Variants in DNAJB1 observed in about 807,000 individuals in gnomAD.
DNAJB1 encodes dnaJ homolog subfamily B member 1.
DNAJB1 carries 14 observed loss-of-function variants against 24.0 expected under a neutral mutation model. The observed-to-expected ratio is 0.58, with a 90% CI of 0.39 to 0.91. The LOEUF is 0.91. Ranked by LOEUF, DNAJB1 falls within the 40% of genes least tolerant of loss-of-function variation. The probability of loss-of-function intolerance (pLI) is 0.00; values close to 1 mark genes in which losing one functional copy is unlikely to be tolerated. For synonymous variants in DNAJB1, 262 were observed against 174.4 expected (o/e 1.50, Z -3.96); for missense variants, 517 against 458.1 (o/e 1.13, Z -1.17).
chr19:14,541,638 G>T (rs1297209568), intron 1 of DNAJB1, among the ~76,000 whole-genome samples: 1 of 152,172 alleles, frequency 6.6e-6, no homozygotes, highest in Non-Finnish European at 1.5e-5. Flanking sequence ...TGGGGCCAGG[G>T]AGGAGAATGG....
At chr19:14,541,716 C>A (rs942724808) in intron 1 of DNAJB1, among the ~76,000 whole-genome samples, 1 of 151,726 alleles carries the variant, frequency 6.6e-6, no homozygotes, top group African/African-American at 2.4e-5. Flanking sequence ...ATATGTCCCA[C>A]GTTGAGGGAT....
chr19:14,516,881 T>G lies in DNAJB1; in HGVS notation c.377A>C (p.Asp126Ala). 6.2e-7 allele frequency: 1 copy of G among 1,614,118 alleles called. No individual in the cohort carries two copies. The highest frequency in any genetic ancestry group is 8.5e-7 in the Non-Finnish European group (1 of 1,180,016). The part of the protein sequence containing the change: ...FGQRNGEEGM[D>A]IDDPFSGFPM... ...GAAGCCAGAGAATGGGTCATCAATG[T>G]CCATGCCTTCCTCCCCGTTCCGCTG... Residue 126 changes from aspartate to alanine, a missense_variant, in exon 2 of 3, where the codon GAC (aspartate) becomes GCC (alanine). Coordinates refer to ENST00000254322, the MANE Select transcript of DNAJB1 (RefSeq NM_006145.3).
chr19:14,532,045 G>C (rs1362700664), upstream of DNAJB1: 1 of 149,842 alleles, frequency 6.7e-6, no homozygotes, highest in African/African-American at 2.5e-5. Flanking sequence ...ACCATGTCCA[G>C]CTTGAAACAT....
Position 14,559,786 on chromosome 19 carries a change from C to CA in DNAJB1, c.-2166+244dup, listed in dbSNP as rs5827240. ...TGGGCGACAGAGTGAGACTCTGTCT[C>CA]AAAAAAAAAAAAAAATTATAGAGAC... On this transcript the variant is annotated intron_variant, in intron 1 of 5. Transcript: ENST00000679223. 3.7e-3 allele frequency among the ~76,000 whole-genome samples: 510 copies of CA among 138,984 alleles called. 9 individuals are homozygous for CA. Among genetic ancestry groups the CA allele is most frequent in the East Asian group, 0.017 (75 of 4,474 alleles). 91.2% of individuals were successfully genotyped at this position (138,984 alleles called of 152,430 possible). A position where few individuals can be genotyped will look rare whatever the true frequency, so the allele number is the denominator to read the frequency against.
intron 2 of DNAJB1, among the ~76,000 whole-genome samples, chr19:14,526,059 AGACAC>A (rs2072419471): frequency 6.6e-6 from 1 of 152,200 alleles, no homozygotes; most frequent in South Asian, 2.1e-4. Flanking sequence ...GGAGCTTGTG[AGACAC>A]GACATTACCA....
In DNAJB1 at chr19:14,515,762, C is replaced by A; in HGVS notation, c.*178G>T. ...ACCTGATGCCCTATAGCTCGAAAAACCACTGAAGTCTAGTGTGCGACTTTG... is the reference window on the plus strand; with the variant it reads ...ACCTGATGCCCTATAGCTCGAAAAAACACTGAAGTCTAGTGTGCGACTTTG... On this transcript the variant is annotated 3_prime_UTR_variant, in exon 3 of 3. Coordinates refer to ENST00000254322, the MANE Select transcript of DNAJB1 (RefSeq NM_006145.3). 1.6e-6 allele frequency: 1 copy of A among 617,686 alleles called. No individual in the cohort carries two copies. The highest frequency in any genetic ancestry group is 2.7e-6 in the Non-Finnish European group (1 of 366,610). The allele number at this position is 617,686 out of a possible 1,614,324, so 38.3% of individuals were successfully genotyped here. A position where few individuals can be genotyped will look rare whatever the true frequency, so the allele number is the denominator to read the frequency against.
At chr19:14,537,606 G>A (rs780656504) in intron 1 of DNAJB1, among the ~76,000 whole-genome samples, 2 of 152,168 alleles carry the variant, frequency 1.3e-5, no homozygotes, top group Non-Finnish European at 2.9e-5. Flanking sequence ...GTCAAGTTCA[G>A]GCTGGGTCTT....
intron 2 of DNAJB1, among the ~76,000 whole-genome samples, chr19:14,524,495 C>G (rs2072395966): frequency 6.6e-6 from 1 of 151,808 alleles, no homozygotes; most frequent in African/African-American, 2.4e-5. Context: ...TGCACACTAG[C>G]CTGAGAGACA....
chr19:14,556,115 T>A (rs2146614246), intron 1 of DNAJB1, among the ~76,000 whole-genome samples: 1 of 152,202 alleles, frequency 6.6e-6, no homozygotes, highest in South Asian at 2.1e-4. Context: ...GACCGCCACA[T>A]CACCTTTCTG....
intron 1 of DNAJB1, among the ~76,000 whole-genome samples, chr19:14,549,210 A>C (rs1265864713): frequency 2.8e-5 from 3 of 106,662 alleles, no homozygotes; most frequent in Admixed American, 9.2e-5. Flanking sequence ...CTTTAATTGG[A>C]CTTTTTTTTT....
chr19:14,535,866 G>A (rs1159237881), intron 1 of DNAJB1, among the ~76,000 whole-genome samples: 1 of 151,568 alleles, frequency 6.6e-6, no homozygotes, highest in Non-Finnish European at 1.5e-5. Flanking sequence ...GGGGGTTGGA[G>A]GGGATCTTAG....
chr19:14,529,710 A>C (rs2072542378), upstream of DNAJB1: 1 of 1,613,964 alleles, frequency 6.2e-7, no homozygotes, highest in Admixed American at 1.7e-5. Context: ...AAGCATTACG[A>C]GGTAAGAAGC....
intron 1 of DNAJB1, among the ~76,000 whole-genome samples, chr19:14,538,032 C>T (rs1487339045): frequency 1.3e-5 from 2 of 152,164 alleles, no homozygotes; most frequent in Non-Finnish European, 2.9e-5. Flanking sequence ...AGGCGTGAGC[C>T]ACTGCGCCGG....
chr19:14,532,055 T>C (rs966877144), upstream of DNAJB1: 2 of 147,828 alleles, frequency 1.4e-5, no homozygotes, highest in Admixed American at 6.8e-5. Context: ...GCTTGAAACA[T>C]GCAGTTTGGA....
In DNAJB1 at chr19:14,515,498, C is replaced by G. The variant is rs2072239913; in HGVS notation, c.*442G>C. 6.1e-6 allele frequency: 1 copy of G among 163,978 alleles called. No individual in the cohort carries two copies. Among genetic ancestry groups the G allele is most frequent in the African/African-American group, 2.4e-5 (1 of 41,558 alleles). 10.2% of individuals were successfully genotyped at this position (163,978 alleles called of 1,614,324 possible). Reference sequence around the variant, plus strand: ...AAGAGCAAGACATGGGAGACAAATACAGAATAAAGCACAAACTGATCACAC... The same window carrying G: ...AAGAGCAAGACATGGGAGACAAATAGAGAATAAAGCACAAACTGATCACAC... On this transcript the variant is annotated 3_prime_UTR_variant, in exon 3 of 3. Coordinates refer to ENST00000254322, the MANE Select transcript of DNAJB1 (RefSeq NM_006145.3).
At chr19:14,538,169 C>T (rs1008863045) in intron 1 of DNAJB1, among the ~76,000 whole-genome samples, 4 of 152,226 alleles carry the variant, frequency 2.6e-5, no homozygotes, top group Non-Finnish European at 4.4e-5. Flanking sequence ...GACTTGTCCA[C>T]AGCTAGTGGC....
Position 14,541,676 on chromosome 19 carries a change from G to A in DNAJB1, c.-214+8532C>T, listed in dbSNP as rs138482222. 3.6e-3 allele frequency among the ~76,000 whole-genome samples: 550 copies of A among 152,280 alleles called. 6 individuals carry two copies. Among genetic ancestry groups the A allele is most frequent in the African/African-American group, 0.011 (474 of 41,558 alleles). Reference sequence around the variant, plus strand: ...TTCTAGGCAGAGGGAACCGAGTGGTGTGTGCAGAGGCATGGAGCCCAGAGT... The same window carrying A: ...TTCTAGGCAGAGGGAACCGAGTGGTATGTGCAGAGGCATGGAGCCCAGAGT... On this transcript the variant is annotated intron_variant, in intron 1 of 3. Coordinates refer to the DNAJB1 transcript ENST00000676982.
chr19:14,544,696 C>T (rs936031924), intron 1 of DNAJB1, among the ~76,000 whole-genome samples: 17 of 150,124 alleles, frequency 1.1e-4, no homozygotes, highest in African/African-American at 2.7e-4. Flanking sequence ...TGCAGTGGCA[C>T]GATCACGGCT....
At chr19:14,538,460 A>C (rs551498104) in intron 1 of DNAJB1, among the ~76,000 whole-genome samples, 4 of 152,214 alleles carry the variant, frequency 2.6e-5, no homozygotes, top group Non-Finnish European at 4.4e-5. Flanking sequence ...AGGTAAGGAC[A>C]GATCAGCATC....
Sources: gnomAD v4.1 joint callset for allele counts (sites outside exome capture counted in the v4.1 genomes callset) on GRCh38, gnomAD v4.1.1 for gene constraint, MANE v1.5 for transcripts, NCBI Gene and HGNC (gene_info 2026-07-23, HGNC 2026-07-21) for gene names.